The following CELSR1 variants were observed in gnomAD, a reference collection of about 807,000 sequenced individuals.
The protein encoded by CELSR1 is adhesion G protein-coupled receptor C1.
Under a neutral mutation model 249.1 loss-of-function variants are expected in CELSR1, and 110 were observed. The ratio of observed to expected loss-of-function variants is 0.44; its 90% CI spans 0.38 to 0.52. The LOEUF (loss-of-function observed/expected upper bound fraction) is 0.52. CELSR1 is among the 20% of genes least tolerant of loss of function. CELSR1 has a pLI of 0.00. For missense variants in CELSR1, 4,109 were observed against 4,296.4 expected, an observed-to-expected ratio of 0.96 and a Z score of 1.22; for synonymous variants, 2,113 against 1,900.0, an observed-to-expected ratio of 1.11 and a Z score of -2.92.
chr22:46,461,730 G>A (rs1056236519), intron 2 of CELSR1, among the ~76,000 whole-genome samples: 3 of 152,250 alleles, frequency 2.0e-5, no homozygotes, highest in Non-Finnish European at 2.9e-5. Flanking sequence ...AGTAAAGATG[G>A]CGTCCTTGCC....
At chr22:46,420,641 A>C (rs553223398) in intron 5 of CELSR1, among the ~76,000 whole-genome samples, 9 of 152,298 alleles carry the variant, frequency 5.9e-5, no homozygotes, top group Admixed American at 3.3e-4. Context: ...CCTTGCACAC[A>C]GTCTTGCACA....
Position 46,367,047 on chromosome 22 carries a change from G to T in CELSR1, c.8151C>A (p.Gly2717=), listed in dbSNP as rs375168828. 2 of 1,610,748 alleles carry T rather than the reference G, an allele frequency of 1.2e-6. No homozygotes were observed. Among genetic ancestry groups the T allele is most frequent in the Admixed American group, 1.7e-5 (1 of 59,864 alleles). Residue 2717 remains glycine, a synonymous_variant, in exon 29 of 35, where the codon GGC becomes GGA. Transcript: ENST00000674500. ...AGTCCTCCAGGTGCAGCTTCCTCCC[G>T]CCGAGCACGCCCTTCAGGTGCTTCC... is the stretch of plus-strand genomic sequence containing the variant. The part of the protein sequence containing the change: ...EVRKHLKGVL[G]GRKLHLEDSA...
rs934734546 is a variant in CELSR1, at chr22:46,390,888, C to G, written c.6250+298G>C. Reference sequence around the variant, plus strand: ...ATGTCCCCATTTCACAGAGGTAACCCGATGCTATGAACAGTGAAGCCACTT... The same window carrying G: ...ATGTCCCCATTTCACAGAGGTAACCGGATGCTATGAACAGTGAAGCCACTT... On this transcript the variant is annotated intron_variant, in intron 16 of 34. Transcript: ENST00000674500. The surrounding 1 kb of genome is among the most constrained non-coding windows in gnomAD (Gnocchi z 6.3). Among the ~76,000 whole-genome samples the G allele has an allele frequency of 6.6e-6, 1 of 152,204 alleles. No individual in the cohort carries two copies. The highest frequency in any genetic ancestry group is 6.5e-5 in the Admixed American group (1 of 15,278).
Position 46,445,393 on chromosome 22 carries a change from C to A in CELSR1, c.4184-5982G>T, listed in dbSNP as rs957047192. Among the ~76,000 whole-genome samples, 5 of 152,122 alleles carry A rather than the reference C, an allele frequency of 3.3e-5. No individual in the cohort carries two copies. The highest frequency in any genetic ancestry group is 9.7e-5 in the African/African-American group (4 of 41,432). ...CCTGTAGTCCCAGCTACTAGGCAGG[C>A]TGAGGCAGGAGAATCTCTTGAATCC... On this transcript the variant is annotated intron_variant, in intron 2 of 34. Coordinates refer to ENST00000674500, the MANE Select transcript of CELSR1 (RefSeq NM_001378328.1). This position sits in a 1 kb window ranked among gnomAD's most constrained non-coding sequence, Gnocchi z 4.4.
chr22:46,489,452 C>A (rs971279458), intron 1 of CELSR1, among the ~76,000 whole-genome samples: 1 of 151,898 alleles, frequency 6.6e-6, no homozygotes, highest in Non-Finnish European at 1.5e-5. Flanking sequence ...GGCCCCAAAC[C>A]TCTCCTGGCG....
rs967960489 is a variant in CELSR1, at chr22:46,472,176, G to A, written c.3545-7831C>T. On this transcript the variant is annotated intron_variant, in intron 1 of 34. Coordinates refer to ENST00000674500, the MANE Select transcript of CELSR1 (RefSeq NM_001378328.1). The surrounding 1 kb of genome is among the most constrained non-coding windows in gnomAD (Gnocchi z 7.0). ...AAGGAGACAGAGCAGACGGCAGAGC[G>A]CGAGGCTGCGGGGCCCTCCTGGCAG... Among the ~76,000 whole-genome samples the A allele has an allele frequency of 8.5e-5, 13 of 152,206 alleles. No homozygotes were observed. Among genetic ancestry groups the A allele is most frequent in the African/African-American group, 2.7e-4 (11 of 41,458 alleles).
In CELSR1 at chr22:46,381,731, C is replaced by CG. The variant is rs1176141820; in HGVS notation, c.7088+114dup. The CG allele has an allele frequency of 1.0e-6, 1 of 987,520 alleles. No homozygotes were observed. Among genetic ancestry groups the CG allele is most frequent in the Non-Finnish European group, 1.5e-6 (1 of 682,172 alleles). The allele number at this position is 987,520 out of a possible 1,614,324, so 61.2% of individuals were successfully genotyped here. A position where few individuals can be genotyped will look rare whatever the true frequency, so the allele number is the denominator to read the frequency against. ...GGTCTCTGTCTCTGGGCCAGGGTCA[C>CG]GGTGAAATGTCACTGTGAAGACCTG... On this transcript the variant is annotated intron_variant, in intron 21 of 34. Transcript: ENST00000674500. The surrounding 1 kb of genome is among the most constrained non-coding windows in gnomAD (Gnocchi z 6.0).
rs544050636 is a variant in CELSR1, at chr22:46,381,369, T to C, written c.7089-414A>G. ...CACGAGGATCCCAGAGCCAGGGAAG[T>C]ATCTGGGAAATGGCAGGAAGAAGGA... is the stretch of plus-strand genomic sequence containing the variant. On this transcript the variant is annotated intron_variant, in intron 21 of 34. Transcript: ENST00000674500. The surrounding 1 kb of genome is among the most constrained non-coding windows in gnomAD (Gnocchi z 6.0). Among the ~76,000 whole-genome samples, 3 of 151,772 alleles carry C rather than the reference T, an allele frequency of 2.0e-5. No individual in the cohort carries two copies. The highest frequency in any genetic ancestry group is 4.4e-5 in the Non-Finnish European group (3 of 67,918).
intron 1 of CELSR1, among the ~76,000 whole-genome samples, chr22:46,482,190 T>A (rs2080273195): frequency 6.6e-6 from 1 of 152,218 alleles, no homozygotes; most frequent in Non-Finnish European, 1.5e-5. Flanking sequence ...TTATGCCACA[T>A]GGCACAGGGG....
chr22:46,366,736 G>C (rs934663413), intron 29 of CELSR1, among the ~76,000 whole-genome samples: 6 of 152,196 alleles, frequency 3.9e-5, no homozygotes, highest in African/African-American at 1.4e-4. Flanking sequence ...CTTCTGGTCA[G>C]GATCCTCGGT....
chr22:46,488,925 T>C lies in CELSR1; in HGVS notation c.3545-24580A>G, dbSNP rs1367983935. On this transcript the variant is annotated intron_variant, in intron 1 of 34. Transcript: ENST00000674500. The surrounding 1 kb of genome is among the most constrained non-coding windows in gnomAD (Gnocchi z 4.7). The stretch of plus-strand genomic sequence containing the variant: ...CCGCCTGCCTCGGCTTCCCAAAGTG[T>C]TGGGATTACAGGCGGAAGCCACCAC... Among the ~76,000 whole-genome samples, 2 of 151,924 alleles carry C rather than the reference T, an allele frequency of 1.3e-5. No individual in the cohort carries two copies. Among genetic ancestry groups the C allele is most frequent in the Non-Finnish European group, 2.9e-5 (2 of 67,978 alleles).
Position 46,463,688 on chromosome 22 carries a change from G to C in CELSR1, c.4183+19C>G, listed in dbSNP as rs749635154. 4 of 1,503,060 alleles carry C rather than the reference G, an allele frequency of 2.7e-6. No individual in the cohort carries two copies. The highest frequency in any genetic ancestry group is 3.5e-6 in the Non-Finnish European group (4 of 1,127,666). 93.1% of individuals were successfully genotyped at this position (1,503,060 alleles called of 1,614,324 possible). A position where few individuals can be genotyped will look rare whatever the true frequency, so the allele number is the denominator to read the frequency against. On this transcript the variant is annotated intron_variant, in intron 2 of 34. Transcript: ENST00000674500. Reference sequence around the variant, plus strand: ...CCTGGGGACATGTACACAAAGCCAGGGTGAGCCCGGGCACCTACCAGTGAA... The same window carrying C: ...CCTGGGGACATGTACACAAAGCCAGCGTGAGCCCGGGCACCTACCAGTGAA...
chr22:46,414,649 G>A (rs2079378455), intron 5 of CELSR1, among the ~76,000 whole-genome samples: 1 of 152,266 alleles, frequency 6.6e-6, no homozygotes, highest in Non-Finnish European at 1.5e-5. Flanking sequence ...CCACTCTGCA[G>A]TTGAGGCCAG....
At chr22:46,455,535 A>C (rs2079937957) in intron 2 of CELSR1, among the ~76,000 whole-genome samples, 1 of 152,170 alleles carries the variant, frequency 6.6e-6, no homozygotes, top group Non-Finnish European at 1.5e-5. Context: ...TCCTGACCTC[A>C]AGTGATCCGT....
At chr22:46,533,523 G>T in intron 1 of CELSR1, 104 bp downstream of exon 1, 1 of 1,457,888 alleles carries the variant, frequency 6.9e-7, no homozygotes, top group Non-Finnish European at 9.1e-7. Flanking sequence ...GCCCGGGCCC[G>T]GCCCAATTGC....
At chr22:46,372,542 C>A in intron 25 of CELSR1, among the ~76,000 whole-genome samples, 1 of 149,254 alleles carries the variant, frequency 6.7e-6, no homozygotes. Context: ...TCACTCACCC[C>A]TCCATCCATC....
intron 1 of CELSR1, among the ~76,000 whole-genome samples, chr22:46,501,854 G>A (rs151298017): frequency 6.6e-5 from 10 of 152,280 alleles, no homozygotes; most frequent in Non-Finnish European, 1.2e-4. Flanking sequence ...GTCTTGAAGA[G>A]AAAACAAAGA....
At chr22:46,370,094 G>A (rs539640962) in intron 25 of CELSR1, 18 of 523,628 alleles carry the variant, frequency 3.4e-5, no homozygotes, top group Non-Finnish European at 6.3e-5. Context: ...CCTGGAGGGT[G>A]GCAGTGAGAT....
chr22:46,366,586 C>T, intron 29 of CELSR1, 106 bp from the exon 30 acceptor site: 2 of 909,544 alleles, frequency 2.2e-6, no homozygotes, highest in East Asian at 2.6e-5. Context: ...CACACCCTGG[C>T]TGGGCCCCTG....
Sources: gnomAD v4.1 joint callset for allele counts (sites outside exome capture counted in the v4.1 genomes callset) on GRCh38, gnomAD v4.1.1 for gene constraint, Gnocchi (gnomAD v3.1) non-coding constraint, MANE v1.5 for transcripts, NCBI Gene and HGNC (gene_info 2026-07-23, HGNC 2026-07-21) for gene names.